ADARB1: variants seen among roughly 807,000 people sequenced by gnomAD.
ADARB1 encodes the protein adenosine deaminase RNA specific B1.
A neutral mutation model predicts 52.4 loss-of-function variants in ADARB1; 10 were observed. That is an observed-to-expected ratio of 0.19 (90% CI 0.12 to 0.32). The LOEUF (loss-of-function observed/expected upper bound fraction) is 0.32. ADARB1 is among the 10% of genes least tolerant of loss of function. ADARB1 has a pLI of 1.00. For synonymous variants in ADARB1, 349 were observed against 371.1 expected, an observed-to-expected ratio of 0.94 and a Z score of 0.68; for missense variants, 643 against 922.3, an observed-to-expected ratio of 0.70 and a Z score of 3.92.
At chr21:45,106,326 G>A (rs556415938) in intron 1 of ADARB1, among the ~76,000 whole-genome samples, 2 of 152,152 alleles carry the variant, frequency 1.3e-5, no homozygotes, top group South Asian at 2.1e-4. Context: ...ACCTAGACTC[G>A]TGTATTAAGT....
intron 2 of ADARB1, among the ~76,000 whole-genome samples, chr21:45,141,528 G>T (rs1481770216): frequency 6.6e-6 from 1 of 151,974 alleles, no homozygotes; most frequent in Non-Finnish European, 1.5e-5. Flanking sequence ...CCCAGAGTCT[G>T]TAAATGGGGA....
intron 1 of ADARB1, among the ~76,000 whole-genome samples, chr21:45,103,711 C>G (rs1283958480): frequency 6.6e-6 from 1 of 152,092 alleles, no homozygotes; most frequent in Non-Finnish European, 1.5e-5. Flanking sequence ...TTAAACCATG[C>G]TCATGTAAGA....
chr21:45,209,521 C>T (rs2092727913), intron 9 of ADARB1, among the ~76,000 whole-genome samples: 1 of 152,144 alleles, frequency 6.6e-6, no homozygotes, highest in Non-Finnish European at 1.5e-5. Context: ...GCCTGTGTGC[C>T]AGGTGGACTG....
At position 45,226,124 on chromosome 21, in the gene ADARB1, G is replaced by C. The variant is rs2093055442; in HGVS notation, c.*3927G>C. The C allele has an allele frequency of 6.6e-6, 1 of 152,304 alleles. No individual in the cohort carries two copies. Among genetic ancestry groups the C allele is most frequent in the African/African-American group, 2.4e-5 (1 of 41,444 alleles). The allele number at this position is 152,304 out of a possible 1,614,324, so 9.4% of individuals were successfully genotyped here. A position where few individuals can be genotyped will look rare whatever the true frequency, so the allele number is the denominator to read the frequency against. ...TGTGAAAATCCTCCTGTCTCTGGCA[G>C]CACTGTCTGCACTTTCTTGTTTACT... On this transcript the variant is annotated 3_prime_UTR_variant, in exon 11 of 11. Transcript: ENST00000348831.
At chr21:45,184,836 A>G in intron 7 of ADARB1, 87 bp from the exon 8 acceptor site, 1 of 1,376,758 alleles carries the variant, frequency 7.3e-7, no homozygotes, top group Non-Finnish European at 1.0e-6. Context: ...TGTATTTTAA[A>G]TTTATAAGCT....
chr21:45,126,103 T>C (rs1569037037), intron 1 of ADARB1, among the ~76,000 whole-genome samples: 1 of 152,252 alleles, frequency 6.6e-6, no homozygotes, highest in Non-Finnish European at 1.5e-5. Flanking sequence ...ATTGCTGAAC[T>C]CTCAGACATA....
chr21:45,111,681 T>C (rs2087542729), intron 1 of ADARB1, among the ~76,000 whole-genome samples: 1 of 152,246 alleles, frequency 6.6e-6, no homozygotes, highest in Non-Finnish European at 1.5e-5. Flanking sequence ...ATTACATGTG[T>C]GATGAGACTT....
intron 1 of ADARB1, among the ~76,000 whole-genome samples, chr21:45,077,200 C>T (rs975350682): frequency 6.6e-6 from 1 of 152,162 alleles, no homozygotes; most frequent in African/African-American, 2.4e-5. Context: ...GGTTTTATTC[C>T]CTTGAATGCT....
chr21:45,196,459 T>G (rs926480167), intron 8 of ADARB1, among the ~76,000 whole-genome samples: 1 of 152,136 alleles, frequency 6.6e-6, no homozygotes, highest in Admixed American at 6.5e-5. Flanking sequence ...AGTTTTTAGC[T>G]ACACTAAAAA....
rs150128617 is a variant in ADARB1, at chr21:45,217,617, C to G, written c.1748-3219C>G. Reference sequence around the variant, plus strand: ...AATTTAAATAATAAGAAAAAAACCTCTTGTATATTTATCCATGTAGCTATC... The same window carrying G: ...AATTTAAATAATAAGAAAAAAACCTGTTGTATATTTATCCATGTAGCTATC... On this transcript the variant is annotated intron_variant, in intron 9 of 10. Coordinates refer to ENST00000348831, the MANE Select transcript of ADARB1 (RefSeq NM_001112.4). 1.7e-3 allele frequency among the ~76,000 whole-genome samples: 256 copies of G among 152,142 alleles called. 1 individual carries two copies. The highest frequency in any genetic ancestry group is 5.9e-3 in the African/African-American group (247 of 41,528).
intron 2 of ADARB1, among the ~76,000 whole-genome samples, chr21:45,171,192 T>C (rs1418896443): frequency 6.6e-6 from 1 of 152,200 alleles, no homozygotes; most frequent in Non-Finnish European, 1.5e-5. Flanking sequence ...CAGGCGTCTT[T>C]CCAGAGTGCA....
At chr21:45,201,807 G>C (rs1452453953) in intron 8 of ADARB1, among the ~76,000 whole-genome samples, 1 of 152,162 alleles carries the variant, frequency 6.6e-6, no homozygotes, top group East Asian at 1.9e-4. Context: ...GGCAGGGAAG[G>C]GAGACCTCAG....
intron 2 of ADARB1, chr21:45,137,235 A>G (rs1358705754): frequency 1.3e-5 from 2 of 152,156 alleles, no homozygotes; most frequent in Non-Finnish European, 2.9e-5. Flanking sequence ...GGCTTTTTCT[A>G]CATGGAGGGA....
rs576729740 is a variant in ADARB1, at chr21:45,077,730, A to T, written c.-220+2937A>T. On this transcript the variant is annotated intron_variant, in intron 1 of 10. Coordinates refer to ENST00000348831, the MANE Select transcript of ADARB1 (RefSeq NM_001112.4). Reference sequence around the variant, plus strand: ...TTCTGTGTCAACTTTCTAAAATAGGAATTTCTAAATCTGTAATTTGGTGTG... The same window carrying T: ...TTCTGTGTCAACTTTCTAAAATAGGTATTTCTAAATCTGTAATTTGGTGTG... Among the ~76,000 whole-genome samples, 3 of 152,210 alleles carry T rather than the reference A, an allele frequency of 2.0e-5. No homozygotes were observed. The South Asian group carries it at 6.2e-4, about 32-fold the overall frequency.
At chr21:45,144,690 G>A (rs1384566308) in intron 2 of ADARB1, 2 of 449,930 alleles carry the variant, frequency 4.4e-6, no homozygotes, top group East Asian at 1.4e-4. Context: ...TGAGGGCATT[G>A]CTTCAACTCT....
intron 2 of ADARB1, chr21:45,144,561 C>G: frequency 4.7e-6 from 2 of 421,942 alleles, no homozygotes. Flanking sequence ...CGTTGCTATT[C>G]TGCTTTGAAT....
rs2092957731 is a variant in ADARB1, at chr21:45,221,114, T to C, written c.1926+100T>C. The stretch of plus-strand genomic sequence containing the variant: ...CTTAAGTTGTTTCATCATGTCATCA[T>C]GCACAGCTTCCGAAAACGATCACTT... On this transcript the variant is annotated intron_variant, in intron 10 of 10. Coordinates refer to ENST00000348831, the MANE Select transcript of ADARB1 (RefSeq NM_001112.4). This position sits in a 1 kb window ranked among gnomAD's most constrained non-coding sequence, Gnocchi z 4.9. 1 of 1,330,788 alleles carries C rather than the reference T, an allele frequency of 7.5e-7. No homozygotes were observed. Among genetic ancestry groups the C allele is most frequent in the East Asian group, 2.5e-5 (1 of 39,314 alleles). The allele number at this position is 1,330,788 out of a possible 1,614,324, so 82.4% of individuals were successfully genotyped here. A position where few individuals can be genotyped will look rare whatever the true frequency, so the allele number is the denominator to read the frequency against.
intron 2 of ADARB1, chr21:45,134,643 A>G (rs75388659): frequency 2.3e-4 from 99 of 424,350 alleles, no homozygotes; most frequent in African/African-American, 1.5e-3. Flanking sequence ...ACAGATCCCT[A>G]TGGACAAGGC....
chr21:45,081,194 C>T (rs1033945789), intron 1 of ADARB1, among the ~76,000 whole-genome samples: 3 of 152,076 alleles, frequency 2.0e-5, no homozygotes, highest in South Asian at 2.1e-4. Flanking sequence ...TGTGAGTCAT[C>T]GTGGGAGGAT....
Sources: gnomAD v4.1 joint callset for allele counts (sites outside exome capture counted in the v4.1 genomes callset) on GRCh38, gnomAD v4.1.1 for gene constraint, Gnocchi (gnomAD v3.1) non-coding constraint, MANE v1.5 for transcripts, NCBI Gene and HGNC (gene_info 2026-07-23, HGNC 2026-07-21) for gene names.